CRY1: variants seen among roughly 807,000 people sequenced by gnomAD.
CRY1 encodes the protein cryptochrome circadian regulator 1.
In CRY1, 45 loss-of-function variants were observed where a neutral mutation model predicts 76.0. The ratio of observed to expected loss-of-function variants is 0.59; its 90% CI spans 0.47 to 0.76. The LOEUF is 0.76. CRY1 is among the 30% of genes least tolerant of loss of function. The probability of loss-of-function intolerance (pLI) is 0.00; values close to 1 mark genes in which losing one functional copy is unlikely to be tolerated. For synonymous variants in CRY1, 248 were observed against 244.0 expected (o/e 1.02, Z -0.15); for missense variants, 587 against 716.4 (o/e 0.82, Z 2.06).
intron 1 of CRY1, among the ~76,000 whole-genome samples, chr12:107,032,719 G>A (rs1479477040): frequency 6.6e-6 from 1 of 152,170 alleles, no homozygotes; most frequent in Non-Finnish European, 1.5e-5. Flanking sequence ...AAAGGTGGGA[G>A]GATCGCTCAA....
rs188955654 is a variant in CRY1 at position 106,992,676 on chromosome 12, C to T, written c.*111G>A. On this transcript the variant is annotated intron_variant, in intron 12 of 12. Coordinates refer to ENST00000008527, the MANE Select transcript of CRY1 (RefSeq NM_004075.5). ...GTAAAAATTGCTTAAAAATTAATGC[C>T]TCAAGATTTTCTGGTTTGAAAATAG... is the stretch of plus-strand genomic sequence containing the variant. The T allele has an allele frequency of 1.3e-4, 136 of 1,009,184 alleles. No homozygotes were observed. The East Asian group carries it at 2.0e-3, about 14-fold the overall frequency. The allele number at this position is 1,009,184 out of a possible 1,614,324, so 62.5% of individuals were successfully genotyped here. A position where few individuals can be genotyped will look rare whatever the true frequency, so the allele number is the denominator to read the frequency against.
intron 1 of CRY1, among the ~76,000 whole-genome samples, chr12:107,022,590 G>A (rs1236035271): frequency 6.6e-6 from 1 of 151,494 alleles, no homozygotes; most frequent in Non-Finnish European, 1.5e-5. Flanking sequence ...TCTTCTGCTG[G>A]GGGGAAAAAA....
At chr12:107,053,786 C>T (rs985203128) in intron 1 of CRY1, among the ~76,000 whole-genome samples, 10 of 152,022 alleles carry the variant, frequency 6.6e-5, no homozygotes, top group Non-Finnish European at 1.0e-4. Flanking sequence ...GATTCATCAT[C>T]GAAAAACTTC....
chr12:106,997,491 G>C lies in CRY1; in HGVS notation c.1489C>G (p.Leu497Val). Residue 497 changes from leucine to valine, a missense_variant, in exon 9 of 13, where the codon CTA (leucine) becomes GTA (valine). Coordinates refer to ENST00000008527, the MANE Select transcript of CRY1 (RefSeq NM_004075.5). ...ACAAAGACAGTTCTTAACATACCTA[G>C]TCCTCTATATCGTGAAAGCTGCTGA... ...IYQQLSRYRG[L>V]GLLASVPSNP... The C allele has an allele frequency of 6.2e-7, 1 of 1,613,736 alleles. No individual in the cohort carries two copies. Among genetic ancestry groups the C allele is most frequent in the South Asian group, 1.1e-5 (1 of 91,076 alleles).
chr12:107,047,994 A>G (rs1403838816), intron 1 of CRY1, among the ~76,000 whole-genome samples: 2 of 152,180 alleles, frequency 1.3e-5, no homozygotes, highest in East Asian at 1.9e-4. Context: ...AAATTGACAA[A>G]CCAATAGGTA....
At chr12:107,087,692 G>C (rs1953419623) in intron 1 of CRY1, among the ~76,000 whole-genome samples, 1 of 152,168 alleles carries the variant, frequency 6.6e-6, no homozygotes, top group South Asian at 2.1e-4. Flanking sequence ...TTTAGACTTT[G>C]AGTTGATGTT....
intron 1 of CRY1, among the ~76,000 whole-genome samples, chr12:107,022,845 TAA>T (rs11308588): frequency 3.4e-4 from 44 of 131,004 alleles, no homozygotes; most frequent in Middle Eastern, 3.9e-3. Context: ...GATTAACTTC[TAA>T]AAAAAAAAAA....
At chr12:107,050,182 T>C (rs1177215582) in intron 1 of CRY1, 4 of 150,174 alleles carry the variant, frequency 2.7e-5, no homozygotes, top group African/African-American at 9.8e-5. Context: ...AATGGAAAGG[T>C]AGAGAGAAAA....
At chr12:107,077,958 A>G (rs969860447) in intron 1 of CRY1, among the ~76,000 whole-genome samples, 4 of 152,238 alleles carry the variant, frequency 2.6e-5, no homozygotes, top group African/African-American at 9.6e-5. Context: ...AATTTTCAAA[A>G]CAGTAAAATT....
chr12:107,085,818 T>TA (rs1310673392), intron 1 of CRY1, among the ~76,000 whole-genome samples: 1 of 151,690 alleles, frequency 6.6e-6, no homozygotes. Flanking sequence ...TCCCAGAACT[T>TA]AAAGTATTAA....
At chr12:107,033,016 T>C (rs1952696008) in intron 1 of CRY1, among the ~76,000 whole-genome samples, 1 of 151,876 alleles carries the variant, frequency 6.6e-6, no homozygotes, top group African/African-American at 2.4e-5. Context: ...CAAGAATAAT[T>C]AAGAAAAAAA....
chr12:107,062,381 T>C (rs1195877870), intron 1 of CRY1, among the ~76,000 whole-genome samples: 1 of 152,210 alleles, frequency 6.6e-6, no homozygotes, highest in African/African-American at 2.4e-5. Context: ...GGAAGCAAAA[T>C]GTTGACTACC....
In CRY1 at chr12:107,018,329, C is replaced by T. The variant is rs551862663; in HGVS notation, c.267+3755G>A. ...GGCACAGTGGCTCATGCCTGTTATC[C>T]CAGCACTTTGGGAGGCCAAGGTGGT... On this transcript the variant is annotated intron_variant, in intron 2 of 12. Transcript: ENST00000008527. Among the ~76,000 whole-genome samples, 78 of 152,262 alleles carry T rather than the reference C, an allele frequency of 5.1e-4. No homozygotes were observed. In the South Asian group the frequency reaches 8.5e-3, roughly 17 times the overall value.
chr12:107,092,406 G>T (rs1953483002), intron 1 of CRY1, among the ~76,000 whole-genome samples: 1 of 152,190 alleles, frequency 6.6e-6, no homozygotes, highest in African/African-American at 2.4e-5. Flanking sequence ...TCCATACTAT[G>T]AGTTACCTAG....
rs377377639 is a variant in CRY1, at chr12:107,041,325, A to G, written c.159-19133T>C. Among the ~76,000 whole-genome samples the G allele has an allele frequency of 3.9e-5, 6 of 152,338 alleles. No individual in the cohort carries two copies. In the South Asian group the frequency reaches 1.2e-3, roughly 32 times the overall value. On this transcript the variant is annotated intron_variant, in intron 1 of 12. Coordinates refer to ENST00000008527, the MANE Select transcript of CRY1 (RefSeq NM_004075.5). ...TGATGTCCCCAATGTTAAAGCACAT[A>G]AAAAAGGAAAGCAATTATACTAGGG...
intron 1 of CRY1, among the ~76,000 whole-genome samples, chr12:107,064,171 A>G (rs1411340174): frequency 6.6e-6 from 1 of 152,168 alleles, no homozygotes; most frequent in Non-Finnish European, 1.5e-5. Context: ...GTCATTTGTG[A>G]TGTGAATGCA....
At chr12:107,053,155 A>G (rs1952942725) in intron 1 of CRY1, among the ~76,000 whole-genome samples, 1 of 152,230 alleles carries the variant, frequency 6.6e-6, no homozygotes, top group Admixed American at 6.5e-5. Context: ...CCATATATGA[A>G]AAATATAATA....
At chr12:106,996,631 C>G (rs1330645687) in intron 10 of CRY1, among the ~76,000 whole-genome samples, 1 of 152,224 alleles carries the variant, frequency 6.6e-6, no homozygotes, top group Admixed American at 6.5e-5. Flanking sequence ...TCACCAGCAT[C>G]TGTTGTTTCT....
chr12:107,082,936 G>T (rs1039650766), intron 1 of CRY1, among the ~76,000 whole-genome samples: 1 of 152,006 alleles, frequency 6.6e-6, no homozygotes, highest in African/African-American at 2.4e-5. Context: ...TAACAAAATT[G>T]ATAGACTGCT....
Sources: allele counts gnomAD v4.1 joint callset (sites outside exome capture counted in the v4.1 genomes callset), GRCh38; gene constraint gnomAD v4.1.1; transcripts MANE v1.5; gene names NCBI Gene and HGNC (gene_info 2026-07-23, HGNC 2026-07-21).